CREBRF: variants seen among roughly 807,000 people sequenced by gnomAD.
CREBRF encodes the protein CREB3 regulatory factor.
In CREBRF, 5 loss-of-function variants were observed where a neutral mutation model predicts 66.1. That is an observed-to-expected ratio of 0.08 (90% confidence interval 0.04 to 0.16). The LOEUF (loss-of-function observed/expected upper bound fraction) is 0.16. Among genes scored for constraint, CREBRF ranks in the 10% least tolerant of loss-of-function variants. The pLI is 1.00. For synonymous variants in CREBRF, 229 were observed against 264.4 expected, an observed-to-expected ratio of 0.87 and a Z score of 1.30; for missense variants, 531 against 744.9, an observed-to-expected ratio of 0.71 and a Z score of 3.34.
intron 4 of CREBRF, among the ~76,000 whole-genome samples, 175 bp from the exon 5 acceptor site, chr5:173,108,449 G>T (rs558832486): frequency 3.5e-4 from 54 of 152,296 alleles, no homozygotes; most frequent in African/African-American, 1.3e-3. Flanking sequence ...TTATGAGTTA[G>T]AGATTTACAT....
intron 4 of CREBRF, among the ~76,000 whole-genome samples, chr5:173,100,130 A>ATATATAT (rs1491331852): frequency 7.2e-4 from 76 of 105,092 alleles, no homozygotes; most frequent in South Asian, 1.5e-3. Flanking sequence ...ATATATATAT[A>ATATATAT]ATTTTTTTTT....
In CREBRF at chr5:173,090,784, A is replaced by C; in HGVS notation, c.605A>C (p.Gln202Pro). Residue 202 changes from glutamine (Q) to proline (P), a missense_variant, in exon 4 of 9, where the codon CAA becomes CCA. This residue lies in a region of CREBRF where 309 missense variants were observed against 341.4 expected (regional missense o/e 0.90). Coordinates refer to ENST00000296953, the MANE Select transcript of CREBRF (RefSeq NM_153607.3). This position sits in a 1 kb window ranked among gnomAD's most constrained non-coding sequence, Gnocchi z 4.5. ...QAEVPLSDCV[Q>P]KASKPTSSTQ... is the part of the protein sequence containing the mutation. Reference sequence around the variant, plus strand: ...GAGGTCCCTTTGTCAGACTGTGTCCAAAAAGCAAGTAAACCCACTTCAAGC... The same window carrying C: ...GAGGTCCCTTTGTCAGACTGTGTCCCAAAAGCAAGTAAACCCACTTCAAGC... 1.2e-6 allele frequency: 2 copies of C among 1,614,180 alleles called. No individual in the cohort carries two copies. The highest frequency in any genetic ancestry group is 2.7e-5 in the African/African-American group (2 of 75,062).
intron 8 of CREBRF, among the ~76,000 whole-genome samples, chr5:173,124,893 C>T: frequency 2.1e-5 from 3 of 145,520 alleles, no homozygotes; most frequent in East Asian, 2.0e-4. Context: ...CTTCTTCTTT[C>T]TTCCTTCTTC....
intron 4 of CREBRF, among the ~76,000 whole-genome samples, chr5:173,098,208 C>T (rs1221422347): frequency 7.3e-5 from 10 of 136,484 alleles, no homozygotes; most frequent in East Asian, 2.2e-4. Flanking sequence ...TTTTTTTTGA[C>T]ATGGAGTCTC....
intron 2 of CREBRF, among the ~76,000 whole-genome samples, chr5:173,083,247 C>T (rs937005916): frequency 7.2e-5 from 11 of 151,980 alleles, no homozygotes; most frequent in Non-Finnish European, 1.6e-4. Context: ...ATTTTTTATT[C>T]TTTCTCATTC....
At chr5:173,059,613 G>A (rs903454252) in intron 1 of CREBRF, among the ~76,000 whole-genome samples, 1 of 151,978 alleles carries the variant, frequency 6.6e-6, no homozygotes, top group Non-Finnish European at 1.5e-5. Flanking sequence ...TGGAACCCTA[G>A]CCCTTACAAT....
chr5:173,070,259 T>C (rs959121537), intron 1 of CREBRF, among the ~76,000 whole-genome samples: 1 of 152,190 alleles, frequency 6.6e-6, no homozygotes, highest in African/African-American at 2.4e-5. Flanking sequence ...TGTTACAGTG[T>C]GTGAAGAATG....
In CREBRF at chr5:173,093,346, T is replaced by G. The variant is rs778646265; in HGVS notation, c.1222+1945T>G. On this transcript the variant is annotated intron_variant, in intron 4 of 8. Coordinates refer to ENST00000296953, the MANE Select transcript of CREBRF (RefSeq NM_153607.3). ...TTCCCCCCAGCTTTATTGAGGTATG[T>G]TTGGCAAATAAAAATTGTATACGTT... Among the ~76,000 whole-genome samples, 6 of 152,204 alleles carry G rather than the reference T, an allele frequency of 3.9e-5. 1 individual carries two copies. Among genetic ancestry groups the G allele is most frequent in the Non-Finnish European group, 7.3e-5 (5 of 68,034 alleles).
intron 1 of CREBRF, among the ~76,000 whole-genome samples, chr5:173,076,057 C>CAAAAAAAAAAAAAAAAAAAAAAAAA (rs35215379): frequency 1.1e-5 from 1 of 92,582 alleles, no homozygotes; most frequent in Non-Finnish European, 2.1e-5. Context: ...CCCATCTCTA[C>CAAAAAAAAAAAAAAAAAAAAAAAAA]AAAAAAAAAA....
chr5:173,105,854 C>T (rs957465631), intron 4 of CREBRF, among the ~76,000 whole-genome samples: 1 of 136,542 alleles, frequency 7.3e-6, no homozygotes, highest in African/African-American at 2.7e-5. Context: ...TCCTGACCTC[C>T]TGATCCGCCC....
chr5:173,131,982 G>A (rs748608473), intron 8 of CREBRF, among the ~76,000 whole-genome samples: 16 of 150,400 alleles, frequency 1.1e-4, no homozygotes, highest in Non-Finnish European at 1.9e-4. Flanking sequence ...TGCCCACTTC[G>A]GCCTCCTAAA....
intron 8 of CREBRF, among the ~76,000 whole-genome samples, chr5:173,128,718 G>A (rs1256974600): frequency 6.6e-6 from 1 of 151,960 alleles, no homozygotes; most frequent in Non-Finnish European, 1.5e-5. Flanking sequence ...ATTTATATTT[G>A]TTTGGTATTC....
intron 7 of CREBRF, among the ~76,000 whole-genome samples, chr5:173,117,538 TTC>T (rs1759022113): frequency 5.9e-5 from 2 of 33,882 alleles, no homozygotes; most frequent in African/African-American, 1.1e-4. Context: ...CCCTCTCCTC[TTC>T]CCTTCCCCTC....
chr5:173,117,594 C>T (rs1415510304), intron 7 of CREBRF, among the ~76,000 whole-genome samples: 1 of 57,894 alleles, frequency 1.7e-5, no homozygotes, highest in Admixed American at 1.8e-4. Flanking sequence ...TCCTTCCTTC[C>T]TTCCTTCCAT....
Position 173,058,192 on chromosome 5 carries a change from C to A in CREBRF, c.-192+1713C>A, listed in dbSNP as rs570589273. 4.4e-3 allele frequency among the ~76,000 whole-genome samples: 675 copies of A among 152,130 alleles called. 4 individuals are homozygous for A. The highest frequency in any genetic ancestry group is 0.015 in the African/African-American group (635 of 41,522). Reference sequence around the variant, plus strand: ...GCAGGGAAAAATGGTATGAATAATTCGAAAATAACTTATTTTAATCTAATT... The same window carrying A: ...GCAGGGAAAAATGGTATGAATAATTAGAAAATAACTTATTTTAATCTAATT... On this transcript the variant is annotated intron_variant, in intron 1 of 8. Coordinates refer to ENST00000296953, the MANE Select transcript of CREBRF (RefSeq NM_153607.3).
At chr5:173,076,185 G>A (rs1218473667) in intron 1 of CREBRF, among the ~76,000 whole-genome samples, 1 of 152,092 alleles carries the variant, frequency 6.6e-6, no homozygotes, top group Non-Finnish European at 1.5e-5. Flanking sequence ...ATAGTAAAAG[G>A]TGAGAGGATG....
intron 3 of CREBRF, among the ~76,000 whole-genome samples, chr5:173,087,010 G>A (rs541818651): frequency 2.0e-5 from 3 of 149,882 alleles, no homozygotes; most frequent in African/African-American, 4.9e-5. Flanking sequence ...GCAGTGGTGC[G>A]ATCTCGGCTC....
At chr5:173,110,437 G>A (rs1324806890) in intron 5 of CREBRF, 85 bp from the exon 6 acceptor site, 1 of 907,388 alleles carries the variant, frequency 1.1e-6, no homozygotes, top group Non-Finnish European at 1.9e-6. Flanking sequence ...GTAGTGGTGG[G>A]AAGTGGTTAA....
chr5:173,090,936 A>C lies in CREBRF; in HGVS notation c.757A>C (p.Ser253Arg), dbSNP rs1758308879. The stretch of plus-strand genomic sequence containing the variant: ...AGTGCAACAGAGCCGGCCCTTGTTG[A>C]GCCAGATTCACACAGATGCAGCAAA... ...NPVQQSRPLL[S>R]QIHTDAAKEN... The change falls in exon 4 of 9, where the codon AGC (serine) becomes CGC (arginine). Residue 253 changes from serine to arginine, a missense_variant. Physicochemically the swap from Ser to Arg is moderately radical, Grantham distance 110 (BLOSUM62 -1). Transcript: ENST00000296953. The surrounding 1 kb of genome is among the most constrained non-coding windows in gnomAD (Gnocchi z 4.5). 1 of 1,614,086 alleles carries C rather than the reference A, an allele frequency of 6.2e-7. No individual in the cohort carries two copies. Among genetic ancestry groups the C allele is most frequent in the African/African-American group, 1.3e-5 (1 of 74,944 alleles).
Sources: gnomAD v4.1 joint callset for allele counts (sites outside exome capture counted in the v4.1 genomes callset) on GRCh38, gnomAD v4.1.1 for gene constraint, gnomAD v4.1.1 regional missense constraint, Gnocchi (gnomAD v3.1) non-coding constraint, MANE v1.5 for transcripts, NCBI Gene and HGNC (gene_info 2026-07-23, HGNC 2026-07-21) for gene names.